Variants in MAGI2 observed in about 807,000 individuals in gnomAD.
MAGI2 encodes the protein membrane-associated guanylate kinase, WW and PDZ domain-containing protein 2.
In MAGI2, 35 loss-of-function variants were observed where a neutral mutation model predicts 133.3. The ratio of observed to expected loss-of-function variants is 0.26; its 90% confidence interval spans 0.20 to 0.35. The LOEUF (loss-of-function observed/expected upper bound fraction) is 0.35. MAGI2 is among the 10% of genes least tolerant of loss of function. The pLI, the probability that MAGI2 is intolerant of heterozygous loss-of-function variation, is 1.00. For synonymous variants in MAGI2, 729 were observed against 710.6 expected (o/e 1.03, Z -0.41); for missense variants, 1,636 against 1,863.4 (o/e 0.88, Z 2.25).
At chr7:78,070,335 C>T (rs1737829901) in intron 21 of MAGI2, among the ~76,000 whole-genome samples, 1 of 149,004 alleles carries the variant, frequency 6.7e-6, no homozygotes, top group Non-Finnish European at 1.5e-5. Context: ...GGAAGATATG[C>T]TCAACCATGA....
At chr7:79,190,355 T>C (rs889673282) in intron 1 of MAGI2, among the ~76,000 whole-genome samples, 1 of 152,020 alleles carries the variant, frequency 6.6e-6, no homozygotes, top group East Asian at 1.9e-4. Flanking sequence ...CATATCAACT[T>C]GTAATTTCCT....
intron 21 of MAGI2, among the ~76,000 whole-genome samples, chr7:78,045,875 A>G (rs896858258): frequency 6.6e-6 from 1 of 152,176 alleles, no homozygotes; most frequent in African/African-American, 2.4e-5. Context: ...GCCAGCAGCC[A>G]TCCTATACTA....
intron 21 of MAGI2, among the ~76,000 whole-genome samples, chr7:78,029,675 C>T (rs1387514112): frequency 6.6e-6 from 1 of 151,784 alleles, no homozygotes; most frequent in Non-Finnish European, 1.5e-5. Flanking sequence ...AAAACTACTG[C>T]GTGTTGAAAA....
chr7:79,187,305 A>G (rs1251190532), intron 1 of MAGI2, among the ~76,000 whole-genome samples: 1 of 151,766 alleles, frequency 6.6e-6, no homozygotes, highest in Non-Finnish European at 1.5e-5. Context: ...AGAGCATTTT[A>G]TGTTTCTTCA....
intron 2 of MAGI2, among the ~76,000 whole-genome samples, chr7:78,958,076 A>G (rs1802550550): frequency 6.6e-6 from 1 of 152,160 alleles, no homozygotes; most frequent in African/African-American, 2.4e-5. Context: ...GCAGGGGAAT[A>G]GGAGCCACTG....
chr7:78,267,491 A>G (rs1184515451), intron 9 of MAGI2, among the ~76,000 whole-genome samples: 1 of 152,164 alleles, frequency 6.6e-6, no homozygotes, highest in African/African-American at 2.4e-5. Flanking sequence ...TTTCAGAAAG[A>G]GCAATATTTT....
chr7:78,610,536 G>A (rs1210900886), intron 3 of MAGI2, among the ~76,000 whole-genome samples: 1 of 152,210 alleles, frequency 6.6e-6, no homozygotes, highest in African/African-American at 2.4e-5. Context: ...AGAGCTCCAT[G>A]ACAATTGGTT....
At chr7:78,425,442 A>C (rs1799192057) in intron 6 of MAGI2, among the ~76,000 whole-genome samples, 1 of 152,220 alleles carries the variant, frequency 6.6e-6, no homozygotes. Context: ...AAGATATGGA[A>C]ATGTAGGCAT....
intron 2 of MAGI2, among the ~76,000 whole-genome samples, chr7:78,943,987 A>T (rs555953829): frequency 1.3e-5 from 2 of 152,206 alleles, no homozygotes; most frequent in East Asian, 3.8e-4. Flanking sequence ...AGTTCCCAAG[A>T]GAAAGTTTCA....
chr7:78,156,961 T>G (rs1365646194), intron 16 of MAGI2, among the ~76,000 whole-genome samples: 2 of 152,238 alleles, frequency 1.3e-5, no homozygotes, highest in East Asian at 3.8e-4. Context: ...CTTAAGTACC[T>G]GATAGCATAA....
intron 2 of MAGI2, among the ~76,000 whole-genome samples, chr7:78,823,940 GCA>G (rs1790394890): frequency 7.0e-6 from 1 of 142,780 alleles, no homozygotes; most frequent in Non-Finnish European, 1.5e-5. Flanking sequence ...CACACAAAAT[GCA>G]TTGTCAATAC....
At chr7:78,047,437 T>G (rs938611277) in intron 21 of MAGI2, among the ~76,000 whole-genome samples, 1 of 152,158 alleles carries the variant, frequency 6.6e-6, no homozygotes, top group Non-Finnish European at 1.5e-5. Flanking sequence ...TCTTGGATTT[T>G]CTAATGATGA....
intron 1 of MAGI2, among the ~76,000 whole-genome samples, chr7:79,328,496 G>A (rs1839855023): frequency 6.6e-6 from 1 of 152,106 alleles, no homozygotes; most frequent in Non-Finnish European, 1.5e-5. Flanking sequence ...GGTGAAGTAA[G>A]CATAGGGATC....
chr7:79,268,764 G>T (rs1834656990), intron 1 of MAGI2, among the ~76,000 whole-genome samples: 1 of 152,108 alleles, frequency 6.6e-6, no homozygotes, highest in African/African-American at 2.4e-5. Flanking sequence ...TCTGACAGAA[G>T]ATTTCAACTG....
chr7:78,687,918 C>T (rs530552536), intron 2 of MAGI2, among the ~76,000 whole-genome samples: 2 of 131,232 alleles, frequency 1.5e-5, no homozygotes, highest in South Asian at 2.4e-4. Flanking sequence ...TGCGGTGAGC[C>T]GAGACTGGGC....
At chr7:78,904,484 G>A (rs1797848329) in intron 2 of MAGI2, among the ~76,000 whole-genome samples, 1 of 150,992 alleles carries the variant, frequency 6.6e-6, no homozygotes, top group African/African-American at 2.4e-5. Flanking sequence ...ATAACTTGTG[G>A]TTAACACTGC....
At chr7:78,138,061 G>A (rs1223072627) in intron 16 of MAGI2, among the ~76,000 whole-genome samples, 2 of 152,150 alleles carry the variant, frequency 1.3e-5, no homozygotes, top group Non-Finnish European at 2.9e-5. Context: ...TTTGTCCAAG[G>A]TCACATATGC....
chr7:78,337,798 T>C (rs1789926282), intron 9 of MAGI2, among the ~76,000 whole-genome samples: 1 of 152,226 alleles, frequency 6.6e-6, no homozygotes, highest in Admixed American at 6.5e-5. Context: ...GTCCGCTACA[T>C]TGTCCAATTA....
chr7:79,294,985 G>A (rs1836816469), intron 1 of MAGI2, among the ~76,000 whole-genome samples: 1 of 151,232 alleles, frequency 6.6e-6, no homozygotes, highest in Non-Finnish European at 1.5e-5. Flanking sequence ...TGATCTGCCC[G>A]CCTCGGCCTC....
Sources: allele counts gnomAD v4.1 joint callset (sites outside exome capture counted in the v4.1 genomes callset), GRCh38; gene constraint gnomAD v4.1.1; transcripts MANE v1.5; gene names NCBI Gene and HGNC (gene_info 2026-07-23, HGNC 2026-07-21).